The following SNX29 variants were observed in gnomAD, a reference collection of about 807,000 sequenced individuals.
SNX29 encodes sorting nexin 29.
SNX29 carries 78 observed loss-of-function variants against 102.1 expected under a neutral mutation model. The ratio of observed to expected loss-of-function variants is 0.76; its 90% CI spans 0.64 to 0.92. The LOEUF is 0.92. Ranked by LOEUF, SNX29 falls within the 40% of genes least tolerant of loss-of-function variation. The probability of loss-of-function intolerance (pLI) is 0.00; values close to 1 mark genes in which losing one functional copy is unlikely to be tolerated. For missense variants in SNX29, 1,280 were observed against 1,061.7 expected (o/e 1.21, Z -2.86); for synonymous variants, 580 against 414.5 (o/e 1.40, Z -4.85).
At chr16:12,112,945 AGGAGGCCTGAT>A (rs2053556448) in intron 11 of SNX29, among the ~76,000 whole-genome samples, 1 of 152,062 alleles carries the variant, frequency 6.6e-6, no homozygotes, top group Non-Finnish European at 1.5e-5. Flanking sequence ...AGCACCTGGA[AGGAGGCCTGAT>A]GGAAACCACG....
chr16:12,353,249 C>T (rs955966250), intron 15 of SNX29, among the ~76,000 whole-genome samples: 1 of 152,198 alleles, frequency 6.6e-6, no homozygotes, highest in Non-Finnish European at 1.5e-5. Flanking sequence ...CTCCCCACAG[C>T]ATTTCTATCT....
At chr16:12,555,510 G>A (rs1208051441) in intron 20 of SNX29, among the ~76,000 whole-genome samples, 1 of 151,714 alleles carries the variant, frequency 6.6e-6, no homozygotes, top group South Asian at 2.1e-4. Flanking sequence ...CGCAGGGATT[G>A]ACTGGACAGC....
At chr16:12,311,888 C>G (rs1489671451) in intron 15 of SNX29, among the ~76,000 whole-genome samples, 2 of 152,180 alleles carry the variant, frequency 1.3e-5, no homozygotes, top group African/African-American at 4.8e-5. Context: ...AGAGTTATCT[C>G]TATCTTTGCA....
At chr16:12,486,918 G>C (rs2088271041) in intron 19 of SNX29, among the ~76,000 whole-genome samples, 1 of 152,118 alleles carries the variant, frequency 6.6e-6, no homozygotes, top group South Asian at 2.1e-4. Context: ...TCATTTATTT[G>C]TGCATTTATT....
At chr16:12,037,648 C>T (rs1480866156) in intron 4 of SNX29, among the ~76,000 whole-genome samples, 1 of 152,006 alleles carries the variant, frequency 6.6e-6, no homozygotes, top group African/African-American at 2.4e-5. Flanking sequence ...GCGGGGTGCT[C>T]TTACTAGAAG....
At chr16:12,246,918 T>C (rs529811286) in intron 14 of SNX29, among the ~76,000 whole-genome samples, 2 of 152,212 alleles carry the variant, frequency 1.3e-5, no homozygotes, top group East Asian at 3.9e-4. Flanking sequence ...CAGGTTTGTC[T>C]CCTTGCCTTG....
chr16:12,557,016 C>G (rs999380570), intron 20 of SNX29, among the ~76,000 whole-genome samples: 1 of 11,916 alleles, frequency 8.4e-5, no homozygotes, highest in African/African-American at 2.1e-4. Flanking sequence ...GGCTAATTTA[C>G]CCCCCCCCCG....
intron 14 of SNX29, among the ~76,000 whole-genome samples, chr16:12,234,876 TC>T (rs2077878376): frequency 6.6e-6 from 1 of 152,158 alleles, no homozygotes; most frequent in Admixed American, 6.5e-5. Flanking sequence ...GATGATGACT[TC>T]CTGTTTGGGT....
chr16:12,264,413 C>T (rs949249664), intron 14 of SNX29, among the ~76,000 whole-genome samples: 7 of 152,186 alleles, frequency 4.6e-5, no homozygotes, highest in African/African-American at 9.7e-5. Flanking sequence ...CAACAGTTTC[C>T]GCCTCTGATA....
chr16:12,139,060 G>A (rs2141483947), intron 13 of SNX29, among the ~76,000 whole-genome samples: 1 of 151,964 alleles, frequency 6.6e-6, no homozygotes, highest in Admixed American at 6.6e-5. Context: ...AAATTAGCTG[G>A]GTGTTGTGGT....
chr16:12,398,579 A>AG (rs34860655), intron 17 of SNX29, 78 bp downstream of exon 17: 3 of 1,515,532 alleles, frequency 2.0e-6, no homozygotes, highest in Non-Finnish European at 2.8e-6. Flanking sequence ...AGAAGACCAC[A>AG]GGGGGAAACA....
intron 15 of SNX29, among the ~76,000 whole-genome samples, chr16:12,333,142 G>C (rs983599182): frequency 7.4e-5 from 9 of 122,396 alleles, no homozygotes; most frequent in African/African-American, 2.2e-4. Flanking sequence ...GTCTTGTTCT[G>C]TTGTCCAGGC....
intron 19 of SNX29, among the ~76,000 whole-genome samples, chr16:12,517,596 C>A (rs955926730): frequency 6.6e-6 from 1 of 152,182 alleles, no homozygotes; most frequent in Admixed American, 6.5e-5. Flanking sequence ...GTTCTCTCAA[C>A]AAATGTGTAT....
intron 20 of SNX29, among the ~76,000 whole-genome samples, chr16:12,555,469 G>T (rs913903903): frequency 1.3e-5 from 2 of 151,264 alleles, no homozygotes; most frequent in African/African-American, 4.9e-5. Context: ...TAGTTGACAT[G>T]TCTGAGGACG....
At chr16:12,463,958 T>C (rs559525452) in intron 18 of SNX29, among the ~76,000 whole-genome samples, 5 of 152,098 alleles carry the variant, frequency 3.3e-5, no homozygotes, top group Non-Finnish European at 5.9e-5. Flanking sequence ...ACAGAACTTA[T>C]CTTCTAAGAG....
At chr16:12,430,203 C>A (rs368675829) in intron 18 of SNX29, among the ~76,000 whole-genome samples, 6 of 152,232 alleles carry the variant, frequency 3.9e-5, no homozygotes, top group South Asian at 2.1e-4. Context: ...TCAGTTCCCC[C>A]CCCAGCCCCA....
Position 12,572,630 on chromosome 16 carries a change from CCTT to C in SNX29, c.*4003_*4005del. 1.9e-6 allele frequency: 2 copies of C among 1,063,950 alleles called. No homozygotes were observed. Among genetic ancestry groups the C allele is most frequent in the Non-Finnish European group, 2.3e-6 (2 of 878,404 alleles). The allele number at this position is 1,063,950 out of a possible 1,614,324, so 65.9% of individuals were successfully genotyped here. A position where few individuals can be genotyped will look rare whatever the true frequency, so the allele number is the denominator to read the frequency against. On this transcript the variant is annotated 3_prime_UTR_variant, in exon 21 of 21. Transcript: ENST00000566228. ...CCCTCCGGCTACCCCCAGAATCCAT[CCTT>C]CATTCCTCCACCAAGCTCCTGTGTG... is the stretch of plus-strand genomic sequence containing the variant.
At position 12,524,697 on chromosome 16, in the gene SNX29, C is replaced by G. The variant is rs368293204; in HGVS notation, c.2179-5C>G. On this transcript the variant is annotated splice_polypyrimidine_tract_variant and splice_region_variant and intron_variant, in intron 19 of 20. Coordinates refer to ENST00000566228, the MANE Select transcript of SNX29 (RefSeq NM_032167.5). Reference sequence around the variant, plus strand: ...CCAAAGCGAAGATGTTTTGTGTTTCCTCAGGATGCCAAGTTTGTGGAGGAA... The same window carrying G: ...CCAAAGCGAAGATGTTTTGTGTTTCGTCAGGATGCCAAGTTTGTGGAGGAA... 1.9e-6 allele frequency: 3 copies of G among 1,612,680 alleles called. No homozygotes were observed. In the East Asian group the frequency reaches 6.7e-5, roughly 36 times the overall value.
intron 1 of SNX29, among the ~76,000 whole-genome samples, chr16:11,998,536 G>T (rs1388950132): frequency 6.6e-6 from 1 of 152,124 alleles, no homozygotes; most frequent in Non-Finnish European, 1.5e-5. Context: ...GTGATATCAG[G>T]GCTGGTGTCT....
Sources: allele counts gnomAD v4.1 joint callset (sites outside exome capture counted in the v4.1 genomes callset), GRCh38; gene constraint gnomAD v4.1.1; transcripts MANE v1.5; gene names NCBI Gene and HGNC (gene_info 2026-07-23, HGNC 2026-07-21).